PJA2: variants seen among roughly 807,000 people sequenced by gnomAD.
PJA2 encodes the protein praja ring finger ubiquitin ligase 2.
Under a neutral mutation model 69.3 loss-of-function variants are expected in PJA2, and 25 were observed. The observed-to-expected ratio is 0.36, with a 90% CI of 0.26 to 0.50. PJA2 has a LOEUF of 0.50. PJA2 is among the 20% of genes least tolerant of loss of function. The pLI is 0.96. For synonymous variants in PJA2, 308 were observed against 277.8 expected (o/e 1.11, Z -1.08); for missense variants, 809 against 830.2 (o/e 0.97, Z 0.31).
intron 7 of PJA2, among the ~76,000 whole-genome samples, chr5:109,351,143 C>T (rs1388915052): frequency 2.0e-5 from 3 of 148,850 alleles, no homozygotes; most frequent in Non-Finnish European, 3.0e-5. Flanking sequence ...CGGAAGGAAT[C>T]TAAAGAATAT....
chr5:109,369,692 C>G (rs990642075), intron 4 of PJA2, among the ~76,000 whole-genome samples: 11 of 152,168 alleles, frequency 7.2e-5, no homozygotes, highest in African/African-American at 2.7e-4. Context: ...AAAAGCAGTA[C>G]TGGCAAAACT....
chr5:109,382,677 G>A (rs1582617397), intron 2 of PJA2, among the ~76,000 whole-genome samples: 1 of 151,918 alleles, frequency 6.6e-6, no homozygotes, highest in East Asian at 1.9e-4. Context: ...GCGAAACCCC[G>A]TCTCTACTAA....
intron 9 of PJA2, among the ~76,000 whole-genome samples, chr5:109,340,096 T>A (rs1464740042): frequency 6.6e-6 from 1 of 152,262 alleles, no homozygotes; most frequent in Non-Finnish European, 1.5e-5. Context: ...TGCTGTTTAC[T>A]GAAGACTGCT....
chr5:109,408,533 C>T (rs1488103405), intron 1 of PJA2, among the ~76,000 whole-genome samples: 3 of 151,596 alleles, frequency 2.0e-5, no homozygotes, highest in Non-Finnish European at 4.4e-5. Context: ...GGTATAGCCT[C>T]CCTCAAAAAA....
chr5:109,400,742 G>A (rs928631084), intron 1 of PJA2, among the ~76,000 whole-genome samples: 3 of 152,140 alleles, frequency 2.0e-5, no homozygotes, highest in African/African-American at 4.8e-5. Flanking sequence ...CACTTTGGGA[G>A]GCAGAGGCAG....
intron 9 of PJA2, among the ~76,000 whole-genome samples, chr5:109,339,208 A>C (rs1195514545): frequency 6.6e-6 from 1 of 152,230 alleles, no homozygotes; most frequent in Non-Finnish European, 1.5e-5. Flanking sequence ...TTCTTTTATG[A>C]GAAGGGAAGT....
intron 7 of PJA2, among the ~76,000 whole-genome samples, chr5:109,347,625 G>T (rs1172115101): frequency 1.3e-5 from 2 of 152,206 alleles, no homozygotes; most frequent in African/African-American, 4.8e-5. Context: ...TTTTTGCCAT[G>T]TTCCAGAAGG....
rs747357978 is a variant in PJA2 at position 109,346,167 on chromosome 5, G to A, written c.1765-1348C>T. 1.1e-3 allele frequency among the ~76,000 whole-genome samples: 175 copies of A among 152,284 alleles called. 1 individual carries two copies. Among genetic ancestry groups the A allele is most frequent in the South Asian group, 2.1e-4 (1 of 4,824 alleles). ...GTATTCAAAGAATTGGTATTACACCGTTTAATTATTACTTGTTAGTATTAT... is the reference window on the plus strand; with the variant it reads ...GTATTCAAAGAATTGGTATTACACCATTTAATTATTACTTGTTAGTATTAT... On this transcript the variant is annotated intron_variant, in intron 7 of 9. Coordinates refer to ENST00000361189, the MANE Select transcript of PJA2 (RefSeq NM_014819.5).
At position 109,340,786 on chromosome 5, in the gene PJA2, G is replaced by A. The variant is rs1178484252; in HGVS notation, c.2001+3404C>T. On this transcript the variant is annotated intron_variant, in intron 9 of 9. Transcript: ENST00000361189. ...CTGCCTCAGCCTGCCCAGTGCCTGC[G>A]ATTGCAGGCTCGCGCCGCCACACCT... Among the ~76,000 whole-genome samples the A allele has an allele frequency of 2.6e-4, 27 of 104,206 alleles. No individual in the cohort carries two copies. In the South Asian group the frequency reaches 8.3e-3, roughly 32 times the overall value. The allele number at this position is 104,206 out of a possible 152,430, so 68.4% of individuals were successfully genotyped here.
chr5:109,340,649 C>T (rs866116512), intron 9 of PJA2, among the ~76,000 whole-genome samples: 636 of 3,096 alleles, frequency 0.21, 239 homozygotes, highest in African/African-American at 0.36. Context: ...TCCCCCTCCC[C>T]CTCCCCCTCC....
At chr5:109,404,018 C>G (rs917000925) in intron 1 of PJA2, among the ~76,000 whole-genome samples, 3 of 151,922 alleles carry the variant, frequency 2.0e-5, no homozygotes, top group Admixed American at 2.0e-4. Flanking sequence ...CTGTAGTGAG[C>G]TGAGATGGTG....
At chr5:109,383,206 T>C (rs1747090302) in intron 2 of PJA2, among the ~76,000 whole-genome samples, 197 bp downstream of exon 2, 1 of 152,194 alleles carries the variant, frequency 6.6e-6, no homozygotes, top group Non-Finnish European at 1.5e-5. Flanking sequence ...TAAATGGGTA[T>C]GGAAAGAAAA....
At position 109,373,806 on chromosome 5, in the gene PJA2, C is replaced by G. The variant is rs1762715203; in HGVS notation, c.1283+4398G>C. Among the ~76,000 whole-genome samples, 2 of 152,140 alleles carry G rather than the reference C, an allele frequency of 1.3e-5. 1 individual carries two copies. On this transcript the variant is annotated intron_variant, in intron 4 of 9. Coordinates refer to ENST00000361189, the MANE Select transcript of PJA2 (RefSeq NM_014819.5). ...ACTCAAATGTTACACTCTACACATTCAATTGTGAACTAAAAAAACTTGATA... is the reference window on the plus strand; with the variant it reads ...ACTCAAATGTTACACTCTACACATTGAATTGTGAACTAAAAAAACTTGATA...
At chr5:109,377,265 A>G (rs1746912495) in intron 4 of PJA2, among the ~76,000 whole-genome samples, 1 of 152,086 alleles carries the variant, frequency 6.6e-6, no homozygotes, top group African/African-American at 2.4e-5. Context: ...CTTCCTTTAT[A>G]GTACTTTCTA....
chr5:109,376,101 T>C (rs1428005130), intron 4 of PJA2, among the ~76,000 whole-genome samples: 2 of 152,156 alleles, frequency 1.3e-5, no homozygotes, highest in Non-Finnish European at 2.9e-5. Flanking sequence ...CAAGAAACTT[T>C]TAAGCATTTC....
chr5:109,364,200 C>T (rs1182864471), intron 5 of PJA2, among the ~76,000 whole-genome samples: 3 of 152,076 alleles, frequency 2.0e-5, no homozygotes, highest in Admixed American at 6.5e-5. Flanking sequence ...ACTGGGTATT[C>T]GCCCGCAGGG....
intron 5 of PJA2, 22 bp from the exon 6 acceptor site, chr5:109,363,044 A>G (rs1372343404): frequency 6.5e-7 from 1 of 1,538,162 alleles, no homozygotes; most frequent in Admixed American, 1.8e-5. Context: ...ATTTTAAAGG[A>G]AGAAAAAAAT....
chr5:109,354,827 C>G (rs1341116740), intron 7 of PJA2, among the ~76,000 whole-genome samples: 1 of 151,242 alleles, frequency 6.6e-6, no homozygotes, highest in Non-Finnish European at 1.5e-5. Flanking sequence ...CTAAACTAGA[C>G]TTTCTGGCTG....
chr5:109,379,283 T>C, intron 3 of PJA2, 29 bp from the exon 4 acceptor site: 15 of 1,473,672 alleles, frequency 1.0e-5, no homozygotes, highest in African/African-American at 1.4e-5. Flanking sequence ...AAAACATATT[T>C]TAAAGGATTA....
Sources: allele counts gnomAD v4.1 joint callset (sites outside exome capture counted in the v4.1 genomes callset), GRCh38; gene constraint gnomAD v4.1.1; transcripts MANE v1.5; gene names NCBI Gene and HGNC (gene_info 2026-07-23, HGNC 2026-07-21).